The following B4GALNT4 variants were observed in gnomAD, a reference collection of about 807,000 sequenced individuals.
B4GALNT4 encodes the protein N-acetyl-beta-glucosaminyl-glycoprotein 4-beta-N-acetylgalactosaminyltransferase 1.
A neutral mutation model predicts 110.0 loss-of-function variants in B4GALNT4; 77 were observed. The ratio of observed to expected loss-of-function variants is 0.70; its 90% CI spans 0.58 to 0.85. The LOEUF (loss-of-function observed/expected upper bound fraction) is 0.85. B4GALNT4 is among the 40% of genes least tolerant of loss of function. The probability of loss-of-function intolerance (pLI) is 0.00; values close to 1 mark genes in which losing one functional copy is unlikely to be tolerated. For synonymous variants in B4GALNT4, 785 were observed against 655.5 expected (o/e 1.20, Z -3.02); for missense variants, 1,575 against 1,506.0 (o/e 1.05, Z -0.76).
In B4GALNT4 at chr11:375,872, G is replaced by A. The variant is rs375662614; in HGVS notation, c.1011G>A (p.Leu337=). The change falls in exon 11 of 20, where the codon CTG becomes CTA. Residue 337 remains leucine, a synonymous_variant. Coordinates refer to ENST00000329962, the MANE Select transcript of B4GALNT4 (RefSeq NM_178537.5). ...FLTPRMESSS[L]ENVLEPCAYA... ...CTCCACGCATGGAATCTTCGAGCCTGGAGAACGTGCTGGAGCCCTGCGCCT... is the reference window on the plus strand; with the variant it reads ...CTCCACGCATGGAATCTTCGAGCCTAGAGAACGTGCTGGAGCCCTGCGCCT... The A allele has an allele frequency of 1.1e-4, 175 of 1,611,206 alleles. No individual in the cohort carries two copies. The highest frequency in any genetic ancestry group is 9.9e-5 in the South Asian group (9 of 90,956).
rs755361893 is a variant in B4GALNT4 at position 373,411 on chromosome 11, C to CT, written c.637-38_637-37insT. On this transcript the variant is annotated intron_variant, in intron 6 of 19. Transcript: ENST00000329962. The stretch of plus-strand genomic sequence containing the variant: ...GGTGTCCCCAGGGAGAGAGTGAACC[C>CT]CCCCCCCCACCACCACCCCTGCTCT... 87 of 1,033,986 alleles carry CT rather than the reference C, an allele frequency of 8.4e-5. 4 individuals carry two copies. The South Asian group carries it at 1.1e-3, about 13-fold the overall frequency. The allele number at this position is 1,033,986 out of a possible 1,614,324, so 64.1% of individuals were successfully genotyped here.
chr11:376,577 G>A lies in B4GALNT4; in HGVS notation c.1454G>A (p.Gly485Glu), dbSNP rs575262000. Reference sequence around the variant, plus strand: ...CCGACCCCTCCCCGCCCCCGGGACGGGGGGACCCCCAGGCACTCCCGGGCC... The same window carrying A: ...CCGACCCCTCCCCGCCCCCGGGACGAGGGGACCCCCAGGCACTCCCGGGCC... ...APPTPPRPRD[G>E]GTPRHSRALS... The change falls in exon 14 of 20, where the codon GGG becomes GAG. Residue 485 changes from glycine to glutamate, a missense_variant. Coordinates refer to ENST00000329962, the MANE Select transcript of B4GALNT4 (RefSeq NM_178537.5). The A allele has an allele frequency of 6.6e-6, 9 of 1,353,980 alleles. No individual in the cohort carries two copies. Among genetic ancestry groups the A allele is most frequent in the South Asian group, 1.7e-5 (1 of 58,936 alleles). 83.9% of individuals were successfully genotyped at this position (1,353,980 alleles called of 1,614,324 possible). A position where few individuals can be genotyped will look rare whatever the true frequency, so the allele number is the denominator to read the frequency against.
chr11:372,855 A>G lies in B4GALNT4; in HGVS notation c.352A>G (p.Lys118Glu), dbSNP rs1424480472. ...HQTPPWREEYKGQVNLHVFED... is the reference protein window; with the variant it reads ...HQTPPWREEYEGQVNLHVFED... ...GGTAAGGCCCCCCCATCCCCAGTAC[A>G]AGGGGCAGGTGAACCTGCACGTGTT... The change falls in exon 4 of 20, where the codon AAG (lysine) becomes GAG (glutamate). Residue 118 changes from lysine (K) to glutamate (E), a missense_variant. Transcript: ENST00000329962. 2 of 1,610,850 alleles carry G rather than the reference A, an allele frequency of 1.2e-6. No homozygotes were observed. Among genetic ancestry groups the G allele is most frequent in the African/African-American group, 1.3e-5 (1 of 74,768 alleles).
chr11:377,654 G>C lies in B4GALNT4; in HGVS notation c.2204+327G>C, dbSNP rs967592003. On this transcript the variant is annotated intron_variant, in intron 14 of 19. Coordinates refer to ENST00000329962, the MANE Select transcript of B4GALNT4 (RefSeq NM_178537.5). ...ATGAGTCCAAGCTGCAGAGATCAGCGTCAGTCGCATCCAGTTGCTGCGCAG... is the reference window on the plus strand; with the variant it reads ...ATGAGTCCAAGCTGCAGAGATCAGCCTCAGTCGCATCCAGTTGCTGCGCAG... Among the ~76,000 whole-genome samples the C allele has an allele frequency of 2.6e-5, 4 of 152,222 alleles. 1 individual carries two copies. The South Asian group carries it at 6.2e-4, about 24-fold the overall frequency.
At position 375,955 on chromosome 11, in the gene B4GALNT4, T is replaced by C; in HGVS notation, c.1094T>C (p.Phe365Ser). 6.2e-7 allele frequency: 1 copy of C among 1,611,282 alleles called. No homozygotes were observed. Among genetic ancestry groups the C allele is most frequent in the Non-Finnish European group, 8.5e-7 (1 of 1,179,312 alleles). ...FPIARYQGLQFVYLSFVYPND... is the reference protein window; with the variant it reads ...FPIARYQGLQSVYLSFVYPND... ...ATCGCCAGATACCAGGGCCTGCAAT[T>C]TGTGAGTGCGGCTGGAGACCCCGTC... is the stretch of plus-strand genomic sequence containing the variant. Residue 365 changes from phenylalanine (F) to serine (S), a missense_variant and splice_region_variant, in exon 11 of 20, where the codon TTT (phenylalanine) becomes TCT (serine). Coordinates refer to ENST00000329962, the MANE Select transcript of B4GALNT4 (RefSeq NM_178537.5).
rs772004500 is a variant in B4GALNT4, at chr11:376,275, G to A, written c.1221G>A (p.Lys407=). ...GGTTTGGGTTCTATAAATACATGAA[G>A]ATGGACAAGGAGGAGGGGGATGAGG... ...LERFGFYKYM[K]MDKEEGDEDE... Residue 407 remains lysine (K), a synonymous_variant, in exon 13 of 20, where the codon AAG becomes AAA. Transcript: ENST00000329962. 3 of 1,609,976 alleles carry A rather than the reference G, an allele frequency of 1.9e-6. No homozygotes were observed. The highest frequency in any genetic ancestry group is 2.2e-5 in the South Asian group (2 of 90,974).
intron 14 of B4GALNT4, among the ~76,000 whole-genome samples, chr11:378,833 G>A (rs1302849259): frequency 1.3e-5 from 2 of 152,120 alleles, no homozygotes. Flanking sequence ...GGAAAGGGGT[G>A]CTGTGAAGGC....
chr11:376,534 G>A lies in B4GALNT4; in HGVS notation c.1411G>A (p.Gly471Arg), dbSNP rs1350858892. ...CGCCCCAGCAGCCCCCGCCCAGCCC[G>A]GAGCCACCCTCGCCCCGCCGACCCC... Reference protein sequence around the residue: ...SPAPAAPAQPGATLAPPTPPR... With the variant: ...SPAPAAPAQPRATLAPPTPPR... Residue 471 changes from glycine (G) to arginine (R), a missense_variant, in exon 14 of 20, where the codon GGA becomes AGA. Physicochemically the swap from Gly to Arg is moderately radical, Grantham distance 125. Transcript: ENST00000329962. 1 of 1,105,772 alleles carries A rather than the reference G, an allele frequency of 9.0e-7. No homozygotes were observed. Among genetic ancestry groups the A allele is most frequent in the Non-Finnish European group, 1.1e-6 (1 of 878,694 alleles). 68.5% of individuals were successfully genotyped at this position (1,105,772 alleles called of 1,614,324 possible).
rs1218511655 is a variant in B4GALNT4 at position 376,798 on chromosome 11, C to A, written c.1675C>A (p.Pro559Thr). 7.2e-7 allele frequency: 1 copy of A among 1,385,958 alleles called. No individual in the cohort carries two copies. Among genetic ancestry groups the A allele is most frequent in the African/African-American group, 1.5e-5 (1 of 65,276 alleles). The allele number at this position is 1,385,958 out of a possible 1,614,324, so 85.9% of individuals were successfully genotyped here. The change falls in exon 14 of 20, where the codon CCT becomes ACT. Residue 559 changes from proline (P) to threonine (T), a missense_variant. By Grantham distance (38) the Pro-to-Thr change is conservative. Coordinates refer to ENST00000329962, the MANE Select transcript of B4GALNT4 (RefSeq NM_178537.5). Reference protein sequence around the residue: ...PFPGVFLHPRPLPRVQLRAPP... With the variant: ...PFPGVFLHPRTLPRVQLRAPP... ...CCCTGGCGTCTTCCTGCACCCCAGG[C>A]CTCTGCCCAGAGTGCAGCTGCGGGC...
intron 1 of B4GALNT4, among the ~76,000 whole-genome samples, chr11:371,279 G>T (rs891020910): frequency 6.6e-6 from 1 of 152,156 alleles, no homozygotes; most frequent in Non-Finnish European, 1.5e-5. Flanking sequence ...TCTGTCGGGG[G>T]ACCTGGGGCC....
chr11:375,164 A>AGGAGGAAGGGAGGGAGGAGGAAG (rs1846714774), intron 8 of B4GALNT4, among the ~76,000 whole-genome samples: 1 of 21,110 alleles, frequency 4.7e-5, no homozygotes, highest in Admixed American at 5.5e-4. Flanking sequence ...GAAGGGAGGG[A>AGGAGGAAGGGAGGGAGGAGGAAG]GGTGGAAGGG....
chr11:376,624 G>C lies in B4GALNT4; in HGVS notation c.1501G>C (p.Ala501Pro). 7.1e-7 allele frequency: 1 copy of C among 1,408,524 alleles called. No individual in the cohort carries two copies. The highest frequency in any genetic ancestry group is 9.2e-7 in the Non-Finnish European group (1 of 1,082,528). The allele number at this position is 1,408,524 out of a possible 1,614,324, so 87.3% of individuals were successfully genotyped here. A position where few individuals can be genotyped will look rare whatever the true frequency, so the allele number is the denominator to read the frequency against. ...GGCCCTGAGCTGGGCCGCCAGGGCCGCCCGCCCTTTGCCGCTCTTCTTGGG... is the reference window on the plus strand; with the variant it reads ...GGCCCTGAGCTGGGCCGCCAGGGCCCCCCGCCCTTTGCCGCTCTTCTTGGG... ...SRALSWAARA[A>P]RPLPLFLGRA... The change falls in exon 14 of 20, where the codon GCC becomes CCC. Residue 501 changes from alanine to proline, a missense_variant. Coordinates refer to ENST00000329962, the MANE Select transcript of B4GALNT4 (RefSeq NM_178537.5).
Position 379,439 on chromosome 11 carries a change from C to A in B4GALNT4, c.2226C>A (p.Ile742=). 1 of 1,538,668 alleles carries A rather than the reference C, an allele frequency of 6.5e-7. No individual in the cohort carries two copies. The highest frequency in any genetic ancestry group is 8.7e-7 in the Non-Finnish European group (1 of 1,151,160). Reference sequence around the variant, plus strand: ...GCAGGCGCTTCGCGCTTCTGCGCATCGTGAACGTGGAGAAGCGCCGGGACT... The same window carrying A: ...GCAGGCGCTTCGCGCTTCTGCGCATAGTGAACGTGGAGAAGCGCCGGGACT... The part of the protein sequence containing the change: ...RHGGRFALLR[I]VNVEKRRDSA... Residue 742 remains isoleucine (I), a synonymous_variant, in exon 15 of 20, where the codon ATC becomes ATA. Coordinates refer to ENST00000329962, the MANE Select transcript of B4GALNT4 (RefSeq NM_178537.5).
At chr11:378,175 A>G (rs1846799623) in intron 14 of B4GALNT4, among the ~76,000 whole-genome samples, 1 of 151,668 alleles carries the variant, frequency 6.6e-6, no homozygotes, top group Admixed American at 6.6e-5. Context: ...GGGGCAGAGG[A>G]TGGAGGCACA....
At position 379,564 on chromosome 11, in the gene B4GALNT4, CCCGCGTAGGGGATGCAGA is replaced by C; in HGVS notation, c.2353_2370del (p.Arg785_Asp790del). 6.3e-7 allele frequency: 1 copy of C among 1,586,838 alleles called. No individual in the cohort carries two copies. The highest frequency in any genetic ancestry group is 8.6e-7 in the Non-Finnish European group (1 of 1,168,776). On this transcript the variant is annotated inframe_deletion, in exon 15 of 20. Transcript: ENST00000329962. ...TACGTCTTCCTGCGGCTGCCGGGAG[CCCGCGTAGGGGATGCAGA>C]CGGAGAAAGTCCCGAACCCGCTCCC...
At chr11:373,627 C>T (rs76656827) in intron 7 of B4GALNT4, 111 bp downstream of exon 7, 110 of 1,516,888 alleles carry the variant, frequency 7.3e-5, no homozygotes, top group African/African-American at 5.3e-4. Context: ...AGCACCCGCC[C>T]GGCCAAGCTG....
intron 10 of B4GALNT4, 23 bp from the exon 11 acceptor site, chr11:375,824 C>A (rs370599762): frequency 1.9e-6 from 3 of 1,605,616 alleles, no homozygotes; most frequent in Non-Finnish European, 2.5e-6. Context: ...GCCCCAGCCA[C>A]CCTGTGACCG....
At chr11:380,232 A>T in intron 17 of B4GALNT4, 30 bp downstream of exon 17, 1 of 1,606,222 alleles carries the variant, frequency 6.2e-7, no homozygotes, top group Non-Finnish European at 8.5e-7. Context: ...GTCGGGGAGC[A>T]AAACGGGGCG....
rs1274390258 is a variant in B4GALNT4 at position 376,586 on chromosome 11, C to T, written c.1463C>T (p.Pro488Leu). 1.2e-5 allele frequency: 16 copies of T among 1,359,684 alleles called. No homozygotes were observed. The highest frequency in any genetic ancestry group is 1.5e-5 in the Non-Finnish European group (16 of 1,064,502). 84.2% of individuals were successfully genotyped at this position (1,359,684 alleles called of 1,614,324 possible). Residue 488 changes from proline to leucine, a missense_variant, in exon 14 of 20, where the codon CCC (proline) becomes CTC (leucine). Transcript: ENST00000329962. ...TPPRPRDGGT[P>L]RHSRALSWAA... is the part of the protein sequence containing the mutation. ...CCCCGCCCCCGGGACGGGGGGACCC[C>T]CAGGCACTCCCGGGCCCTGAGCTGG...
Sources: allele counts gnomAD v4.1 joint callset (sites outside exome capture counted in the v4.1 genomes callset), GRCh38; gene constraint gnomAD v4.1.1; transcripts MANE v1.5; gene names NCBI Gene and HGNC (gene_info 2026-07-23, HGNC 2026-07-21).